The following TRPM6 variants were observed in gnomAD, a reference collection of about 807,000 sequenced individuals.
The protein encoded by TRPM6 is channel kinase 2.
Under a neutral mutation model 247.6 loss-of-function variants are expected in TRPM6, and 111 were observed. The ratio of observed to expected loss-of-function variants is 0.45; its 90% CI spans 0.38 to 0.52. The LOEUF (loss-of-function observed/expected upper bound fraction) is 0.52, where lower values mean the gene tolerates loss of function less well. Among genes scored for constraint, TRPM6 ranks in the 20% least tolerant of loss-of-function variants. The pLI is 0.00. For missense variants in TRPM6, 2,126 were observed against 2,421.5 expected (o/e 0.88, Z 2.56); for synonymous variants, 892 against 853.8 (o/e 1.04, Z -0.78).
intron 18 of TRPM6, 141 bp downstream of exon 18, chr9:74,796,600 G>A (rs1409614313): frequency 6.3e-6 from 5 of 798,106 alleles, no homozygotes; most frequent in Non-Finnish European, 1.1e-5. Context: ...TGTACCCCAG[G>A]ACCATATGTC....
intron 30 of TRPM6, 144 bp from the exon 31 acceptor site, chr9:74,748,058 C>A (rs1457229819): frequency 2.6e-6 from 2 of 759,790 alleles, no homozygotes; most frequent in Non-Finnish European, 4.4e-6. Context: ...TCATGTACTG[C>A]CTAATGATGT....
Position 74,855,570 on chromosome 9 carries a change from A to G in TRPM6, c.114-5T>C. 5 of 1,591,656 alleles carry G rather than the reference A, an allele frequency of 3.1e-6. No homozygotes were observed. The highest frequency in any genetic ancestry group is 4.3e-6 in the Non-Finnish European group (5 of 1,159,914). On this transcript the variant is annotated splice_region_variant and splice_polypyrimidine_tract_variant and intron_variant, in intron 2 of 38. Transcript: ENST00000360774. ...ACTTGGCATACTGGAGTACATCTAA[A>G]TTAAAGAAATAAAACCTCTGTTAGT...
rs928746979 is a variant in TRPM6 at position 74,742,587 on chromosome 9, A to G, written c.5174T>C (p.Ile1725Thr). ...AAACAGTTGGACTGGTGTAAATGGT[A>G]TGGTCTGAGAAAGCCTCATTAAATT... ...RNNLMRLSQT[I>T]PFTPVQLFAG... The change falls in exon 33 of 39, where the codon ATA becomes ACA. Residue 1725 changes from isoleucine to threonine, a missense_variant. Ile to Thr is a moderately conservative substitution (Grantham distance 89). Transcript: ENST00000360774. 3 of 1,613,880 alleles carry G rather than the reference A, an allele frequency of 1.9e-6. No individual in the cohort carries two copies. In the African/African-American group the frequency reaches 4.0e-5, roughly 22 times the overall value.
intron 17 of TRPM6, chr9:74,800,029 C>T (rs976959511): frequency 3.5e-5 from 20 of 566,142 alleles, no homozygotes; most frequent in African/African-American, 7.5e-5. Context: ...AAGCTGCACG[C>T]TCTGTCGCTC....
intron 2 of TRPM6, among the ~76,000 whole-genome samples, chr9:74,856,331 T>C (rs1287176973): frequency 6.6e-6 from 1 of 151,988 alleles, no homozygotes; most frequent in Non-Finnish European, 1.5e-5. Context: ...TCCCAGCTAC[T>C]TGGGAGGCTA....
intron 20 of TRPM6, among the ~76,000 whole-genome samples, chr9:74,787,526 C>T (rs999869319): frequency 3.3e-5 from 5 of 151,802 alleles, no homozygotes; most frequent in Non-Finnish European, 7.4e-5. Flanking sequence ...TCTATAAACT[C>T]CACATAGGAA....
intron 18 of TRPM6, among the ~76,000 whole-genome samples, chr9:74,794,995 GCT>G (rs532450016): frequency 9.2e-4 from 139 of 151,104 alleles, no homozygotes; most frequent in Middle Eastern, 3.5e-3. Context: ...ACTTAATTAT[GCT>G]CTGATAGAAT....
At chr9:74,887,701 A>C in intron 1 of TRPM6, 123 bp downstream of exon 1, 1 of 1,610,718 alleles carries the variant, frequency 6.2e-7, no homozygotes, top group East Asian at 2.2e-5. Context: ...AATCCTAGCT[A>C]TTCTAGATCC....
At chr9:74,731,407 A>G (rs190972320) in intron 37 of TRPM6, among the ~76,000 whole-genome samples, 12 of 152,116 alleles carry the variant, frequency 7.9e-5, no homozygotes, top group African/African-American at 2.6e-4. Flanking sequence ...GAAACATAAT[A>G]AAGTCTTTAT....
In TRPM6 at chr9:74,800,478, ACTGT is replaced by A; in HGVS notation, c.2010_2013del (p.Lys670AsnfsTer22). On this transcript the variant is annotated frameshift_variant and splice_region_variant, in exon 17 of 39. Transcript: ENST00000360774. LOFTEE classifies it high-confidence loss of function. Reference sequence around the variant, plus strand: ...AACAAGTCCAGAGCCAGCTGGCCAAACTGTCTGCCATGAGGGTGGCCAATTAAGA... The same window carrying A: ...AACAAGTCCAGAGCCAGCTGGCCAAACTGCCATGAGGGTGGCCAATTAAGA... The A allele has an allele frequency of 6.2e-7, 1 of 1,613,588 alleles. No individual in the cohort carries two copies. The highest frequency in any genetic ancestry group is 8.5e-7 in the Non-Finnish European group (1 of 1,179,560).
At chr9:74,761,157 T>C (rs1826613571) in intron 27 of TRPM6, among the ~76,000 whole-genome samples, 1 of 152,222 alleles carries the variant, frequency 6.6e-6, no homozygotes, top group Non-Finnish European at 1.5e-5. Flanking sequence ...CATAAATTAC[T>C]GGTGGGCATG....
chr9:74,811,453 A>T (rs1333246229), intron 12 of TRPM6, among the ~76,000 whole-genome samples: 1 of 152,220 alleles, frequency 6.6e-6, no homozygotes, highest in Non-Finnish European at 1.5e-5. Context: ...AAGGAAGGCT[A>T]TTTCAAGAAG....
chr9:74,775,764 T>C (rs919374659), intron 24 of TRPM6, 119 bp downstream of exon 24: 4 of 1,004,108 alleles, frequency 4.0e-6, no homozygotes, highest in African/African-American at 1.6e-5. Context: ...GATATTCTAT[T>C]GTCAGGGAAC....
chr9:74,812,425 G>C lies in TRPM6; in HGVS notation c.1317C>G (p.Ala439=). 6.2e-7 allele frequency: 1 copy of C among 1,613,700 alleles called. No homozygotes were observed. The highest frequency in any genetic ancestry group is 1.1e-5 in the South Asian group (1 of 91,064). ...LIYEQHWKPD[A]LEQAMSDALV... is the part of the protein sequence containing the mutation. Reference sequence around the variant, plus strand: ...AAGCATCTGACATTGCTTGTTCCAGGGCATCAGGCTTCAGAAAGCACAAAT... The same window carrying C: ...AAGCATCTGACATTGCTTGTTCCAGCGCATCAGGCTTCAGAAAGCACAAAT... Residue 439 remains alanine (A), a synonymous_variant, in exon 12 of 39, where the codon GCC becomes GCG. Transcript: ENST00000360774.
At chr9:74,881,307 T>C (rs1831356371) in intron 1 of TRPM6, among the ~76,000 whole-genome samples, 1 of 151,314 alleles carries the variant, frequency 6.6e-6, no homozygotes, top group South Asian at 2.1e-4. Flanking sequence ...GAAACAAACT[T>C]TAAGTAAAAA....
intron 1 of TRPM6, among the ~76,000 whole-genome samples, chr9:74,869,354 C>A (rs1411768132): frequency 6.6e-6 from 1 of 151,380 alleles, no homozygotes; most frequent in African/African-American, 2.4e-5. Flanking sequence ...CCTGTAGTCC[C>A]AGCTACTCGG....
chr9:74,821,860 C>A, intron 7 of TRPM6, 23 bp from the exon 8 acceptor site: 1 of 1,613,882 alleles, frequency 6.2e-7, no homozygotes, highest in Non-Finnish European at 8.5e-7. Flanking sequence ...ACAAACAATA[C>A]CACACTGTTA....
intron 25 of TRPM6, among the ~76,000 whole-genome samples, chr9:74,763,928 C>T (rs1297466074): frequency 6.6e-6 from 1 of 152,080 alleles, no homozygotes; most frequent in Non-Finnish European, 1.5e-5. Context: ...GCAGGTGGAT[C>T]ACTTGAAGTC....
intron 30 of TRPM6, among the ~76,000 whole-genome samples, chr9:74,748,654 G>C (rs574331993): frequency 2.6e-5 from 4 of 152,128 alleles, no homozygotes; most frequent in Non-Finnish European, 5.9e-5. Context: ...CTAGAATAAG[G>C]ATATAAAGAA....
Sources: gnomAD v4.1 joint callset for allele counts (sites outside exome capture counted in the v4.1 genomes callset) on GRCh38, gnomAD v4.1.1 for gene constraint, MANE v1.5 for transcripts, NCBI Gene and HGNC (gene_info 2026-07-23, HGNC 2026-07-21) for gene names.